The following NRXN1 variants were observed in gnomAD, a reference collection of about 807,000 sequenced individuals.
NRXN1 encodes neurexin 1, also known as neurexin-1.
NRXN1 carries 39 observed loss-of-function variants against 150.9 expected under a neutral mutation model. The ratio of observed to expected loss-of-function variants is 0.26; its 90% CI spans 0.20 to 0.34. NRXN1 has a LOEUF of 0.34. Ranked by LOEUF, NRXN1 falls within the 10% of genes least tolerant of loss-of-function variation. The pLI is 1.00. For missense variants in NRXN1, 1,815 were observed against 1,949.9 expected (o/e 0.93, Z 1.30); for synonymous variants, 924 against 757.0 (o/e 1.22, Z -3.62).
intron 21 of NRXN1, among the ~76,000 whole-genome samples, chr2:50,050,804 A>AT (rs1195151675): frequency 4.3e-4 from 66 of 152,022 alleles, no homozygotes; most frequent in Admixed American, 2.8e-3. Flanking sequence ...CCCCATACAT[A>AT]CATGTGTTGT....
intron 21 of NRXN1, among the ~76,000 whole-genome samples, chr2:50,041,905 C>T (rs1691031362): frequency 6.6e-6 from 1 of 152,102 alleles, no homozygotes; most frequent in African/African-American, 2.4e-5. Context: ...AATCTGTAAC[C>T]TGGTAGGCAA....
At chr2:50,588,104 C>A (rs1209735259) in intron 8 of NRXN1, among the ~76,000 whole-genome samples, 1 of 152,166 alleles carries the variant, frequency 6.6e-6, no homozygotes, top group Non-Finnish European at 1.5e-5. Flanking sequence ...CTACATCATA[C>A]ATCCAGGCCA....
chr2:50,118,189 A>G (rs1177887037), intron 18 of NRXN1, among the ~76,000 whole-genome samples: 3 of 152,194 alleles, frequency 2.0e-5, no homozygotes, highest in East Asian at 1.9e-4. Flanking sequence ...AAATTCTCCA[A>G]TGTAAAACAG....
rs530505551 is a variant in NRXN1, at chr2:50,282,184, C to A, written c.3365-45214G>T. On this transcript the variant is annotated intron_variant, in intron 17 of 22. Transcript: ENST00000401669. Reference sequence around the variant, plus strand: ...ATGTGGCTGGAAAGATAGGTAGAGCCTGTATCATAAAGAGCTTTATATGCC... The same window carrying A: ...ATGTGGCTGGAAAGATAGGTAGAGCATGTATCATAAAGAGCTTTATATGCC... Among the ~76,000 whole-genome samples the A allele has an allele frequency of 3.0e-4, 45 of 152,198 alleles. 1 individual carries two copies. Among genetic ancestry groups the A allele is most frequent in the African/African-American group, 9.9e-4 (41 of 41,536 alleles).
At chr2:50,448,153 A>G (rs1313242577) in intron 17 of NRXN1, among the ~76,000 whole-genome samples, 1 of 152,108 alleles carries the variant, frequency 6.6e-6, no homozygotes, top group Non-Finnish European at 1.5e-5. Context: ...ACTTTTATAG[A>G]TTAGCAAAGC....
At chr2:50,704,731 T>C (rs986399396) in intron 5 of NRXN1, among the ~76,000 whole-genome samples, 4 of 151,806 alleles carry the variant, frequency 2.6e-5, no homozygotes, top group Admixed American at 6.6e-5. Context: ...TCATTACTTA[T>C]GATTAATTAG....
chr2:50,396,229 C>T (rs2082042787), intron 17 of NRXN1, among the ~76,000 whole-genome samples: 1 of 152,144 alleles, frequency 6.6e-6, no homozygotes, highest in South Asian at 2.1e-4. Flanking sequence ...AAGTGGTTTT[C>T]AAGTGCCATT....
At chr2:50,970,470 G>C (rs771813374) in intron 2 of NRXN1, among the ~76,000 whole-genome samples, 1 of 152,058 alleles carries the variant, frequency 6.6e-6, no homozygotes, top group East Asian at 1.9e-4. Flanking sequence ...GATTACTTTG[G>C]AGTTCCAAGG....
chr2:49,956,588 A>T (rs1674995090), intron 21 of NRXN1, among the ~76,000 whole-genome samples: 1 of 152,134 alleles, frequency 6.6e-6, no homozygotes, highest in Non-Finnish European at 1.5e-5. Flanking sequence ...ACATAGCAAG[A>T]AAAGTCCAAG....
intron 17 of NRXN1, among the ~76,000 whole-genome samples, chr2:50,435,513 A>G (rs2085346520): frequency 6.6e-6 from 1 of 152,188 alleles, no homozygotes; most frequent in Non-Finnish European, 1.5e-5. Context: ...CATGGTATAT[A>G]TGTACCACAT....
intron 5 of NRXN1, among the ~76,000 whole-genome samples, chr2:50,748,460 C>T (rs1008744242): frequency 1.3e-5 from 2 of 152,052 alleles, no homozygotes; most frequent in Admixed American, 1.3e-4. Flanking sequence ...AATTATGGTG[C>T]CTGTTAATGT....
intron 12 of NRXN1, among the ~76,000 whole-genome samples, chr2:50,511,159 C>G (rs1249227656): frequency 6.6e-6 from 1 of 152,000 alleles, no homozygotes; most frequent in African/African-American, 2.4e-5. Context: ...CTCCCAGGTT[C>G]AAGTGACTCT....
At chr2:50,320,673 T>A (rs1486192467) in intron 17 of NRXN1, among the ~76,000 whole-genome samples, 1 of 151,818 alleles carries the variant, frequency 6.6e-6, no homozygotes. Context: ...AGGAGGGTAT[T>A]TCTGGCATTG....
chr2:49,949,027 T>C (rs941445839), intron 21 of NRXN1, among the ~76,000 whole-genome samples: 8 of 152,018 alleles, frequency 5.3e-5, no homozygotes, highest in Non-Finnish European at 8.8e-5. Flanking sequence ...TAAGTCTCTA[T>C]ACTTTTAGGA....
chr2:50,177,855 C>T (rs2060452267), intron 18 of NRXN1, among the ~76,000 whole-genome samples: 1 of 144,188 alleles, frequency 6.9e-6, no homozygotes, highest in African/African-American at 2.5e-5. Flanking sequence ...CACAAAAACA[C>T]ACACCACAAC....
intron 5 of NRXN1, among the ~76,000 whole-genome samples, chr2:50,842,175 C>T (rs1435535091): frequency 6.6e-6 from 1 of 152,164 alleles, no homozygotes; most frequent in Admixed American, 6.6e-5. Flanking sequence ...TATTAACCTT[C>T]CATTAAATCA....
At chr2:50,322,514 G>A (rs928488553) in intron 17 of NRXN1, among the ~76,000 whole-genome samples, 1 of 152,068 alleles carries the variant, frequency 6.6e-6, no homozygotes, top group African/African-American at 2.4e-5. Flanking sequence ...AATTTTTCAG[G>A]TGATAACTGT....
rs564454717 is a variant in NRXN1, at chr2:49,990,584, T to G, written c.4129-46793A>C. On this transcript the variant is annotated intron_variant, in intron 21 of 22. Transcript: ENST00000401669. ...AATAGTGGCTTGCCACAGGTATTGG[T>G]GGTGGAGAAGGCAGAGCTGACTGTT... Among the ~76,000 whole-genome samples, 4 of 152,168 alleles carry G rather than the reference T, an allele frequency of 2.6e-5. No individual in the cohort carries two copies. The East Asian group carries it at 7.7e-4, about 29-fold the overall frequency.
intron 15 of NRXN1, 146 bp downstream of exon 15, chr2:50,495,759 T>C: frequency 1.8e-6 from 1 of 557,076 alleles, no homozygotes; most frequent in Non-Finnish European, 3.0e-6. Context: ...CAGAGGCTTG[T>C]GTGTTGTATT....
Sources: gnomAD v4.1 joint callset for allele counts (sites outside exome capture counted in the v4.1 genomes callset) on GRCh38, gnomAD v4.1.1 for gene constraint, MANE v1.5 for transcripts, NCBI Gene and HGNC (gene_info 2026-07-23, HGNC 2026-07-21) for gene names.